Variants in IL1RAPL2 observed in about 807,000 individuals in gnomAD.
The protein encoded by IL1RAPL2 is X-linked interleukin-1 receptor accessory protein-like 2.
A neutral mutation model predicts 44.1 loss-of-function variants in IL1RAPL2; 3 were observed. The ratio of observed to expected loss-of-function variants is 0.07; its 90% CI spans 0.03 to 0.18. The LOEUF is 0.18. IL1RAPL2 is among the 10% of genes least tolerant of loss of function. IL1RAPL2 has a pLI of 1.00. For missense variants in IL1RAPL2, 391 were observed against 496.4 expected (o/e 0.79, Z 2.02); for synonymous variants, 181 against 178.8 (o/e 1.01, Z -0.10).
At chrX:105,172,672 T>C (rs888166103) in intron 2 of IL1RAPL2, among the ~76,000 whole-genome samples, 1 of 112,051 alleles carries the variant, frequency 8.9e-6, no homozygotes, top group Non-Finnish European at 1.9e-5. Flanking sequence ...GAGAAAGCTT[T>C]CTGCTTTTCA....
At chrX:105,420,180 T>A (rs2035764114) in intron 5 of IL1RAPL2, among the ~76,000 whole-genome samples, 1 of 111,089 alleles carries the variant, frequency 9.0e-6, no homozygotes, top group Non-Finnish European at 1.9e-5. Context: ...ATAAAGCACC[T>A]AAAGTACTTT....
chrX:105,306,973 T>G (rs746656102), intron 5 of IL1RAPL2, among the ~76,000 whole-genome samples: 2 of 111,332 alleles, frequency 1.8e-5, no homozygotes, highest in Non-Finnish European at 3.8e-5. Context: ...TACAATAATG[T>G]CAGAAGCGGA....
chrX:104,811,057 C>T (rs941829382), intron 2 of IL1RAPL2, among the ~76,000 whole-genome samples: 9 of 112,048 alleles, frequency 8.0e-5, no homozygotes, highest in South Asian at 3.7e-4. Context: ...GCTTTCCACT[C>T]CTCAGGGAGA....
intron 2 of IL1RAPL2, among the ~76,000 whole-genome samples, chrX:105,025,313 G>A (rs2031350720): frequency 9.0e-6 from 1 of 111,437 alleles, no homozygotes; most frequent in Non-Finnish European, 1.9e-5. Context: ...CATGTGGTTA[G>A]AACCAGCTTT....
intron 1 of IL1RAPL2, among the ~76,000 whole-genome samples, chrX:104,615,565 T>C (rs973039627): frequency 3.6e-5 from 4 of 111,720 alleles, no homozygotes; most frequent in Non-Finnish European, 5.6e-5. Context: ...ATCTCATTCC[T>C]TTTGATGGCT....
At chrX:105,037,716 T>C (rs2031654269) in intron 2 of IL1RAPL2, among the ~76,000 whole-genome samples, 1 of 111,818 alleles carries the variant, frequency 8.9e-6, no homozygotes, top group South Asian at 3.7e-4. Context: ...TATTGAAACA[T>C]TCTCAATGGT....
intron 8 of IL1RAPL2, among the ~76,000 whole-genome samples, chrX:105,748,744 C>T (rs1027962347): frequency 8.9e-6 from 1 of 112,290 alleles, no homozygotes; most frequent in Non-Finnish European, 1.9e-5. Flanking sequence ...TTCAGATAGA[C>T]TTACCACTTT....
chrX:105,598,950 G>A lies in IL1RAPL2; in HGVS notation c.772+114563G>A, dbSNP rs985569587. On this transcript the variant is annotated intron_variant, in intron 6 of 10. Transcript: ENST00000372582. ...GAGAAGAGAACTAAGTGAGTGTTCA[G>A]TAAATACATGTTCATTGATTGTTGC... Among the ~76,000 whole-genome samples the A allele has an allele frequency of 5.3e-5, 6 of 112,214 alleles. No homozygotes were observed. In the Admixed American group the frequency reaches 5.6e-4, roughly 11 times the overall value.
chrX:105,052,259 G>A (rs977608162), intron 2 of IL1RAPL2, among the ~76,000 whole-genome samples: 1 of 111,853 alleles, frequency 8.9e-6, no homozygotes, highest in African/African-American at 3.2e-5. Context: ...GGGAAGAGAA[G>A]GACAAACTTT....
intron 2 of IL1RAPL2, among the ~76,000 whole-genome samples, chrX:104,676,619 T>G (rs1224325703): frequency 9.0e-6 from 1 of 111,673 alleles, no homozygotes; most frequent in Non-Finnish European, 1.9e-5. Context: ...TAGCGTTTTC[T>G]GTATTTCCTG....
chrX:104,727,911 A>G (rs922916020), intron 2 of IL1RAPL2, among the ~76,000 whole-genome samples: 9 of 110,371 alleles, frequency 8.2e-5, no homozygotes, highest in African/African-American at 3.0e-4. Flanking sequence ...AATAATGTGT[A>G]TACATGGGCA....
chrX:104,577,817 G>C (rs1444755596), intron 1 of IL1RAPL2, among the ~76,000 whole-genome samples: 2 of 110,770 alleles, frequency 1.8e-5, no homozygotes, highest in Non-Finnish European at 3.8e-5. Context: ...GTCTGGCAAG[G>C]CCGGATAGTT....
chrX:104,932,624 A>G (rs989239456), intron 2 of IL1RAPL2, among the ~76,000 whole-genome samples: 4 of 112,236 alleles, frequency 3.6e-5, no homozygotes, highest in African/African-American at 1.3e-4. Context: ...ATGTACATGT[A>G]CCATGGCCTT....
rs182712013 is a variant in IL1RAPL2 at position 104,780,069 on chromosome X, T to C, written c.82+121074T>C. ...TCATTTCAAAATGAGCATAAAGGTG[T>C]TCTTCTCCCTCTAATTAGTACAGAT... On this transcript the variant is annotated intron_variant, in intron 2 of 10. Coordinates refer to ENST00000372582, the MANE Select transcript of IL1RAPL2 (RefSeq NM_017416.2). Among the ~76,000 whole-genome samples, 4 of 111,570 alleles carry C rather than the reference T, an allele frequency of 3.6e-5. No homozygotes were observed. The East Asian group carries it at 1.1e-3, about 31-fold the overall frequency.
At chrX:105,121,057 T>G (rs1289787663) in intron 2 of IL1RAPL2, among the ~76,000 whole-genome samples, 1 of 111,864 alleles carries the variant, frequency 8.9e-6, no homozygotes, top group Non-Finnish European at 1.9e-5. Context: ...CTTGCAGGAA[T>G]GATAGCTATG....
intron 1 of IL1RAPL2, among the ~76,000 whole-genome samples, chrX:104,599,823 G>C (rs1172182075): frequency 9.0e-6 from 1 of 111,336 alleles, no homozygotes; most frequent in African/African-American, 3.3e-5. Context: ...TGACGAGGGA[G>C]TCTTTAAGTT....
chrX:104,990,805 A>T (rs1045974733), intron 2 of IL1RAPL2, among the ~76,000 whole-genome samples: 1 of 111,758 alleles, frequency 8.9e-6, no homozygotes, highest in Non-Finnish European at 1.9e-5. Flanking sequence ...TTAAAGGTCA[A>T]CAGCTGTTTT....
intron 5 of IL1RAPL2, among the ~76,000 whole-genome samples, chrX:105,364,995 G>A (rs2035282937): frequency 9.0e-6 from 1 of 111,570 alleles, no homozygotes; most frequent in Non-Finnish European, 1.9e-5. Context: ...TCAAAGAAAA[G>A]ATTTTAACCT....
At chrX:104,648,037 C>T (rs1569289217) in intron 1 of IL1RAPL2, 1 of 516,908 alleles carries the variant, frequency 1.9e-6, no homozygotes, top group East Asian at 3.8e-5. Flanking sequence ...CCTGCTTCCA[C>T]TCTGACCTCC....
Sources: allele counts gnomAD v4.1 joint callset (sites outside exome capture counted in the v4.1 genomes callset), GRCh38; gene constraint gnomAD v4.1.1; transcripts MANE v1.5; gene names NCBI Gene and HGNC (gene_info 2026-07-23, HGNC 2026-07-21).